The following PPP1R12A variants were observed in gnomAD, a reference collection of about 807,000 sequenced individuals.
The protein encoded by PPP1R12A is myosin binding subunit.
Under a neutral mutation model 139.6 loss-of-function variants are expected in PPP1R12A, and 19 were observed. The ratio of observed to expected loss-of-function variants is 0.14; its 90% CI spans 0.09 to 0.20. The LOEUF (loss-of-function observed/expected upper bound fraction) is 0.20, where lower values mean the gene tolerates loss of function less well. Among genes scored for constraint, PPP1R12A ranks in the 10% least tolerant of loss-of-function variants. The pLI, the probability that PPP1R12A is intolerant of heterozygous loss-of-function variation, is 1.00. For synonymous variants in PPP1R12A, 427 were observed against 420.6 expected, an observed-to-expected ratio of 1.02 and a Z score of -0.19; for missense variants, 925 against 1,211.5, an observed-to-expected ratio of 0.76 and a Z score of 3.51.
chr12:79,890,899 A>T, intron 1 of PPP1R12A, among the ~76,000 whole-genome samples: 1 of 66,850 alleles, frequency 1.5e-5, no homozygotes, highest in Non-Finnish European at 2.8e-5. Context: ...ACCCACCCAC[A>T]CCCACCCACA....
rs553123222 is a variant in PPP1R12A, at chr12:79,919,604, C to A, written c.237+15091G>T. 4.6e-5 allele frequency among the ~76,000 whole-genome samples: 7 copies of A among 151,546 alleles called. No homozygotes were observed. In the South Asian group the frequency reaches 1.5e-3, roughly 32 times the overall value. On this transcript the variant is annotated intron_variant, in intron 1 of 24. Coordinates refer to ENST00000450142, the MANE Select transcript of PPP1R12A (RefSeq NM_002480.3). ...CCTCCCCCAATCTAGGTGAAATATG[C>A]CTTCATAAGCTTCCATACTGTATTA...
At chr12:79,786,343 T>G in intron 22 of PPP1R12A, 31 bp downstream of exon 22, 2 of 1,339,988 alleles carry the variant, frequency 1.5e-6, no homozygotes, top group Non-Finnish European at 2.1e-6. Flanking sequence ...AACCATTACC[T>G]TGAGAGTAAC....
At chr12:79,928,427 T>A (rs1473539649) in intron 1 of PPP1R12A, among the ~76,000 whole-genome samples, 1 of 152,136 alleles carries the variant, frequency 6.6e-6, no homozygotes, top group African/African-American at 2.4e-5. Context: ...AGGGGCCAGT[T>A]TGGGGTTGGG....
At chr12:79,821,369 G>C (rs1170631507) in intron 6 of PPP1R12A, among the ~76,000 whole-genome samples, 1 of 152,052 alleles carries the variant, frequency 6.6e-6, no homozygotes, top group Non-Finnish European at 1.5e-5. Context: ...CTCCATGCAG[G>C]GCTAAGATGG....
At chr12:79,875,608 CAT>C (rs1395547007) in intron 1 of PPP1R12A, among the ~76,000 whole-genome samples, 1 of 152,190 alleles carries the variant, frequency 6.6e-6, no homozygotes, top group African/African-American at 2.4e-5. Context: ...GATCAGTAGA[CAT>C]ATTAATTTAC....
In PPP1R12A at chr12:79,880,332, A is replaced by T. The variant is rs78378669; in HGVS notation, c.238-7394T>A. 9.7e-3 allele frequency among the ~76,000 whole-genome samples: 1,483 copies of T among 152,298 alleles called. 32 individuals are homozygous for T. The highest frequency in any genetic ancestry group is 0.034 in the African/African-American group (1,428 of 41,560). On this transcript the variant is annotated intron_variant, in intron 1 of 24. Transcript: ENST00000450142. ...TATATAAGAGTTCAAGTACCAAATC[A>T]ACTGGCAAGAACCTCACTGAGCACA... is the stretch of plus-strand genomic sequence containing the variant.
chr12:79,777,940 G>A (rs1421147), intron 24 of PPP1R12A, among the ~76,000 whole-genome samples: 139,010 of 151,990 alleles, frequency 0.91, 63,866 homozygotes, highest in Middle Eastern at 0.95. Flanking sequence ...TTCTAATTCT[G>A]TGGGTACAAT....
At chr12:79,935,245 C>G, upstream of PPP1R12A, 7 of 1,176,904 alleles carry the variant, frequency 5.9e-6, no homozygotes, top group Non-Finnish European at 7.4e-6. Context: ...CGCATGCGCC[C>G]TGGGCCTGTG....
At chr12:79,856,578 T>A (rs1246042531) in intron 2 of PPP1R12A, among the ~76,000 whole-genome samples, 1 of 152,222 alleles carries the variant, frequency 6.6e-6, no homozygotes, top group East Asian at 1.9e-4. Context: ...GACTTCGAAC[T>A]GTCTTTAGAG....
Position 79,828,986 on chromosome 12 carries a change from T to C in PPP1R12A, c.648-522A>G, listed in dbSNP as rs145815984. ...GGAGCTGAAAATTTTCAAAGGAAAA[T>C]GACAATCTTTTAAGAACAAAACAAA... On this transcript the variant is annotated intron_variant, in intron 4 of 24. Coordinates refer to ENST00000450142, the MANE Select transcript of PPP1R12A (RefSeq NM_002480.3). Among the ~76,000 whole-genome samples, 134 of 152,148 alleles carry C rather than the reference T, an allele frequency of 8.8e-4. 1 individual carries two copies. The highest frequency in any genetic ancestry group is 3.1e-3 in the African/African-American group (129 of 41,526).
intron 22 of PPP1R12A, chr12:79,782,406 C>CT (rs1870565783): frequency 3.6e-6 from 1 of 278,860 alleles, no homozygotes; most frequent in African/African-American, 2.3e-5. Flanking sequence ...TTCACATCCA[C>CT]TTTCACTTAT....
intron 1 of PPP1R12A, among the ~76,000 whole-genome samples, chr12:79,917,823 G>A (rs1432435908): frequency 2.6e-5 from 4 of 152,192 alleles, no homozygotes; most frequent in Non-Finnish European, 5.9e-5. Flanking sequence ...TTTAGAAACT[G>A]AGAGAAGTTA....
intron 1 of PPP1R12A, among the ~76,000 whole-genome samples, chr12:79,893,550 G>A (rs1376839387): frequency 3.3e-5 from 5 of 152,122 alleles, no homozygotes; most frequent in African/African-American, 1.2e-4. Context: ...TTGTCTACAA[G>A]TATGATTTAG....
chr12:79,885,848 G>A (rs906043203), intron 1 of PPP1R12A, among the ~76,000 whole-genome samples: 3 of 152,062 alleles, frequency 2.0e-5, no homozygotes, highest in Non-Finnish European at 4.4e-5. Context: ...CCTCTTCACA[G>A]AAACAATTCC....
rs1465216655 is a variant in PPP1R12A at position 79,797,239 on chromosome 12, T to C, written c.2248A>G (p.Arg750Gly). Residue 750 changes from arginine to glycine, a missense_variant, in exon 16 of 25, where the codon AGA becomes GGA. Arg to Gly is a moderately radical substitution (Grantham distance 125, BLOSUM62 -2). Coordinates refer to ENST00000450142, the MANE Select transcript of PPP1R12A (RefSeq NM_002480.3). ...TACTTTTGTTTATATTCATCTTCTC[T>C]AGATGTTTCTGACTCCTTCTTTTCT... ...QEEKKESETSREDEYKQKYSR... is the reference protein window; with the variant it reads ...QEEKKESETSGEDEYKQKYSR... 5 of 1,589,694 alleles carry C rather than the reference T, an allele frequency of 3.1e-6. No homozygotes were observed. The highest frequency in any genetic ancestry group is 4.3e-6 in the Non-Finnish European group (5 of 1,167,236).
intron 14 of PPP1R12A, among the ~76,000 whole-genome samples, chr12:79,801,677 A>C (rs1438966386): frequency 3.3e-5 from 5 of 152,136 alleles, no homozygotes; most frequent in Non-Finnish European, 5.9e-5. Context: ...TTTCTCTAAA[A>C]CTAGAATATA....
intron 17 of PPP1R12A, among the ~76,000 whole-genome samples, chr12:79,796,542 AG>A (rs1245105903): frequency 6.6e-6 from 1 of 152,158 alleles, no homozygotes; most frequent in African/African-American, 2.4e-5. Flanking sequence ...TTTTCGTTGT[AG>A]GTGGACATGA....
intron 1 of PPP1R12A, among the ~76,000 whole-genome samples, chr12:79,913,601 T>A (rs200080293): frequency 6.6e-6 from 1 of 152,198 alleles, no homozygotes. Context: ...TTAATGTCCA[T>A]CAGAGTCGGT....
chr12:79,857,929 A>G (rs1880876549), intron 2 of PPP1R12A, among the ~76,000 whole-genome samples: 1 of 152,186 alleles, frequency 6.6e-6, no homozygotes, highest in Non-Finnish European at 1.5e-5. Context: ...TCCATGAAAA[A>G]CCAAGTAAGA....
Sources: gnomAD v4.1 joint callset for allele counts (sites outside exome capture counted in the v4.1 genomes callset) on GRCh38, gnomAD v4.1.1 for gene constraint, MANE v1.5 for transcripts, NCBI Gene and HGNC (gene_info 2026-07-23, HGNC 2026-07-21) for gene names.